Variants in OR7C1 observed in about 807,000 individuals in gnomAD.
OR7C1 encodes the protein olfactory receptor 7C1.
For missense variants in OR7C1, 324 were observed against 383.3 expected (o/e 0.85, Z 1.29); for synonymous variants, 152 against 160.7 (o/e 0.95, Z 0.41).
chr19:14,819,306 T>C (rs1410213792), intron 1 of OR7C1, among the ~76,000 whole-genome samples: 1 of 152,070 alleles, frequency 6.6e-6, no homozygotes, highest in Non-Finnish European at 1.5e-5. Context: ...TTTTTTTTAA[T>C]GCTCTCCTTC....
chr19:14,833,640 C>T (rs1375753107), intron 1 of OR7C1, among the ~76,000 whole-genome samples: 15 of 152,008 alleles, frequency 9.9e-5, no homozygotes, highest in Admixed American at 3.9e-4. Flanking sequence ...TAATAAATTT[C>T]CCCAAAAGTC....
At chr19:14,824,690 G>A (rs1014976415) in intron 1 of OR7C1, 4 of 152,096 alleles carry the variant, frequency 2.6e-5, no homozygotes, top group Non-Finnish European at 5.9e-5. Flanking sequence ...GAACATATGG[G>A]TGAATGAGTC....
intron 1 of OR7C1, chr19:14,827,425 T>C: frequency 6.2e-7 from 1 of 1,614,128 alleles, no homozygotes; most frequent in Non-Finnish European, 8.5e-7. Flanking sequence ...ACTGAGGCTG[T>C]TGCACTTGAG....
chr19:14,799,158 G>A (rs2044625846), exon 5 of OR7C1: 1 of 1,588,550 alleles, frequency 6.3e-7, no homozygotes, highest in Non-Finnish European at 8.6e-7. Flanking sequence ...CCTCCCAATG[G>A]TCCAAGCCTT....
chr19:14,819,673 G>A (rs1389896537), intron 1 of OR7C1, among the ~76,000 whole-genome samples: 1 of 152,136 alleles, frequency 6.6e-6, no homozygotes, highest in Non-Finnish European at 1.5e-5. Flanking sequence ...TTATACCCAC[G>A]TTGAGATTTC....
chr19:14,803,084 A>G (rs1392786342), intron 2 of OR7C1, among the ~76,000 whole-genome samples: 1 of 152,036 alleles, frequency 6.6e-6, no homozygotes, highest in Non-Finnish European at 1.5e-5. Flanking sequence ...AGGCAGGTGG[A>G]TCACCTGAGG....
chr19:14,801,171 C>T (rs140525603), intron 2 of OR7C1, among the ~76,000 whole-genome samples: 1 of 152,272 alleles, frequency 6.6e-6, no homozygotes, highest in East Asian at 1.9e-4. Context: ...CTTTGTTCTC[C>T]TCCATGTCTT....
At chr19:14,823,516 G>T (rs1022710789) in intron 1 of OR7C1, among the ~76,000 whole-genome samples, 3 of 152,096 alleles carry the variant, frequency 2.0e-5, no homozygotes, top group Admixed American at 6.6e-5. Context: ...TTGTTACATG[G>T]GTATTTTGCC....
Position 14,819,818 on chromosome 19 carries a change from G to A in OR7C1, c.-622-9825C>T, listed in dbSNP as rs545008171. Among the ~76,000 whole-genome samples the A allele has an allele frequency of 4.6e-5, 7 of 152,142 alleles. No homozygotes were observed. The South Asian group carries it at 1.5e-3, about 32-fold the overall frequency. ...TATATTCTTTCATTTCCAAGTTTTT[G>A]TCAACTTAATCTCAAATTCGAAACC... On this transcript the variant is annotated intron_variant, in intron 1 of 4. Coordinates refer to ENST00000641666, the Ensembl canonical transcript of OR7C1.
At chr19:14,803,361 T>C (rs576511373) in intron 2 of OR7C1, among the ~76,000 whole-genome samples, 1 of 149,950 alleles carries the variant, frequency 6.7e-6, no homozygotes, top group South Asian at 2.1e-4. Context: ...GACGTTTACA[T>C]AGTCCGGAGG....
chr19:14,806,634 G>A (rs1392370738), intron 2 of OR7C1, among the ~76,000 whole-genome samples: 2 of 151,972 alleles, frequency 1.3e-5, no homozygotes, highest in African/African-American at 2.4e-5. Context: ...AACATGAGGT[G>A]TTTGGTTTTC....
chr19:14,832,189 C>T (rs1237541316), intron 1 of OR7C1, among the ~76,000 whole-genome samples: 1 of 152,176 alleles, frequency 6.6e-6, no homozygotes, highest in Non-Finnish European at 1.5e-5. Flanking sequence ...GAATTATAGG[C>T]ATGAGTCACC....
At chr19:14,814,705 G>A (rs1443932924) in intron 1 of OR7C1, among the ~76,000 whole-genome samples, 1 of 152,116 alleles carries the variant, frequency 6.6e-6, no homozygotes, top group South Asian at 2.1e-4. Flanking sequence ...GATTACAGGC[G>A]TAAGCCACCA....
In OR7C1 at chr19:14,799,546, C is replaced by G. The variant is rs369558987; in HGVS notation, c.591G>C (p.Val197=). 6 of 1,614,016 alleles carry G rather than the reference C, an allele frequency of 3.7e-6. No individual in the cohort carries two copies. In the African/African-American group the frequency reaches 8.0e-5, roughly 22 times the overall value. ...GGACGCCAGTTGCAAAGTATATCAC[C>G]ACGTTATTAATGAAGGTGTCAGAAC... The change falls in exon 5 of 5, where the codon GTG becomes GTC. Residue 197 remains valine (V), a synonymous_variant. Coordinates refer to ENST00000641666, the Ensembl canonical transcript of OR7C1.
intron 1 of OR7C1, among the ~76,000 whole-genome samples, chr19:14,830,316 G>A (rs563639701): frequency 1.3e-5 from 2 of 152,292 alleles, no homozygotes; most frequent in Non-Finnish European, 2.9e-5. Flanking sequence ...ACATAAAAGA[G>A]CTGTTCAATA....
intron 1 of OR7C1, among the ~76,000 whole-genome samples, chr19:14,812,672 A>C (rs1451008901): frequency 6.6e-6 from 1 of 150,666 alleles, no homozygotes; most frequent in Admixed American, 6.6e-5. Context: ...TCCCTTCACT[A>C]TCTCGGTGTC....
In OR7C1 at chr19:14,820,528, C is replaced by T. The variant is rs374765883; in HGVS notation, c.-622-10535G>A. 1.2e-3 allele frequency among the ~76,000 whole-genome samples: 181 copies of T among 151,912 alleles called. 5 individuals carry two copies. The South Asian group carries it at 0.036, about 30-fold the overall frequency. On this transcript the variant is annotated intron_variant, in intron 1 of 4. Transcript: ENST00000641666. ...CATGTATAGCTATGTAACAAACCTG[C>T]ACGTTCTGCACATGTATCCCAGACC...
Position 14,830,413 on chromosome 19 carries a change from T to A in OR7C1, c.-623+4661A>T, listed in dbSNP as rs115483307. Among the ~76,000 whole-genome samples, 309 of 152,194 alleles carry A rather than the reference T, an allele frequency of 2.0e-3. 1 individual carries two copies. Among genetic ancestry groups the A allele is most frequent in the African/African-American group, 6.8e-3 (284 of 41,502 alleles). ...CCCTCAGCAAAAGGACAAAAATACA[T>A]TGCAAGGGTGCAACGGGTAGGTTAG... On this transcript the variant is annotated intron_variant, in intron 1 of 4. Coordinates refer to ENST00000641666, the Ensembl canonical transcript of OR7C1.
chr19:14,827,395 G>A, intron 1 of OR7C1: 3 of 1,613,982 alleles, frequency 1.9e-6, no homozygotes, highest in South Asian at 2.2e-5. Flanking sequence ...TTCAGCATGG[G>A]GGTGACCACA....
Sources: allele counts gnomAD v4.1 joint callset (sites outside exome capture counted in the v4.1 genomes callset), GRCh38; gene constraint gnomAD v4.1.1; transcripts MANE v1.5; gene names NCBI Gene and HGNC (gene_info 2026-07-23, HGNC 2026-07-21).